Variants in STIM1 observed in about 807,000 individuals in gnomAD.
The protein encoded by STIM1 is stromal interaction molecule 1.
STIM1 carries 25 observed loss-of-function variants against 74.7 expected under a neutral mutation model. That is an observed-to-expected ratio of 0.33 (90% confidence interval 0.24 to 0.47). STIM1 has a LOEUF of 0.47. STIM1 is among the 20% of genes least tolerant of loss of function. The pLI, the probability that STIM1 is intolerant of heterozygous loss-of-function variation, is 1.00. For synonymous variants in STIM1, 328 were observed against 348.8 expected (o/e 0.94, Z 0.66); for missense variants, 728 against 920.8 (o/e 0.79, Z 2.71).
intron 2 of STIM1, among the ~76,000 whole-genome samples, chr11:3,978,804 T>C (rs2093474472): frequency 6.6e-6 from 1 of 152,010 alleles, no homozygotes. Flanking sequence ...AGACTTGTTT[T>C]CTATGTTTTT....
At chr11:3,958,058 G>T (rs1016651741) in intron 1 of STIM1, among the ~76,000 whole-genome samples, 2 of 151,970 alleles carry the variant, frequency 1.3e-5, no homozygotes, top group South Asian at 2.1e-4. Flanking sequence ...TAGAGACAGG[G>T]TGTCACCATG....
intron 1 of STIM1, among the ~76,000 whole-genome samples, chr11:3,874,729 C>G (rs1258547712): frequency 6.6e-6 from 1 of 152,228 alleles, no homozygotes; most frequent in Non-Finnish European, 1.5e-5. Context: ...GAATCTACCT[C>G]CCTCATCTGA....
At chr11:3,971,356 C>T (rs2093392181) in intron 2 of STIM1, among the ~76,000 whole-genome samples, 1 of 151,998 alleles carries the variant, frequency 6.6e-6, no homozygotes, top group South Asian at 2.1e-4. Flanking sequence ...GGTGAAACCC[C>T]GTCTCTACTA....
At chr11:4,057,524 G>A (rs528314472) in intron 4 of STIM1, among the ~76,000 whole-genome samples, 3 of 152,228 alleles carry the variant, frequency 2.0e-5, no homozygotes, top group South Asian at 2.1e-4. Context: ...CCACTTACTT[G>A]TGTGTGACTT....
At chr11:3,907,831 G>C (rs1440010432) in intron 1 of STIM1, among the ~76,000 whole-genome samples, 3 of 152,144 alleles carry the variant, frequency 2.0e-5, no homozygotes, top group Non-Finnish European at 4.4e-5. Context: ...GAACAATAGA[G>C]ACAGACATAC....
At chr11:3,975,960 A>T (rs2093443958) in intron 2 of STIM1, among the ~76,000 whole-genome samples, 1 of 152,256 alleles carries the variant, frequency 6.6e-6, no homozygotes, top group South Asian at 2.1e-4. Flanking sequence ...TATATGTCCC[A>T]GCAATTCTTC....
chr11:4,087,501 C>G (rs1459952352), intron 12 of STIM1, among the ~76,000 whole-genome samples: 2 of 151,974 alleles, frequency 1.3e-5, no homozygotes, highest in Non-Finnish European at 2.9e-5. Context: ...GGTTAGAACA[C>G]TGGATATGTG....
chr11:4,009,378 C>T (rs914347348), intron 2 of STIM1, among the ~76,000 whole-genome samples: 6 of 151,772 alleles, frequency 4.0e-5, no homozygotes, highest in African/African-American at 1.5e-4. Context: ...TTTGGGAGGC[C>T]GAGGCAGGCA....
At chr11:3,917,435 GTTTT>G in intron 1 of STIM1, among the ~76,000 whole-genome samples, 1 of 133,318 alleles carries the variant, frequency 7.5e-6, no homozygotes, top group Admixed American at 7.5e-5. Flanking sequence ...CAGGGTTTCT[GTTTT>G]TTTTTTTTTT....
intron 3 of STIM1, among the ~76,000 whole-genome samples, chr11:4,052,162 G>A (rs535048030): frequency 1.2e-4 from 18 of 152,218 alleles, no homozygotes; most frequent in Admixed American, 4.6e-4. Flanking sequence ...AATCAATATC[G>A]TGAAAATGGC....
chr11:3,885,188 T>A (rs572338637), intron 1 of STIM1, among the ~76,000 whole-genome samples: 63 of 152,214 alleles, frequency 4.1e-4, no homozygotes, highest in African/African-American at 1.4e-3. Context: ...AGATAATTTT[T>A]TTTTTTTTGA....
At chr11:3,873,270 T>A (rs967062467) in intron 1 of STIM1, among the ~76,000 whole-genome samples, 1 of 151,810 alleles carries the variant, frequency 6.6e-6, no homozygotes, top group South Asian at 2.1e-4. Context: ...ACAAAAAAAT[T>A]AGCTGAGCGT....
intron 1 of STIM1, among the ~76,000 whole-genome samples, chr11:3,912,656 G>A (rs889655331): frequency 3.1e-4 from 47 of 152,238 alleles, no homozygotes; most frequent in South Asian, 1.5e-3. Context: ...GTGAGCCACC[G>A]TGTGCAGCCA....
chr11:4,017,555 A>C lies in STIM1; in HGVS notation c.271-6318A>C, dbSNP rs146511590. On this transcript the variant is annotated intron_variant, in intron 2 of 12. Coordinates refer to ENST00000526596, the MANE Select transcript of STIM1 (RefSeq NM_001382567.1). ...ATAAGCAGCTGGTATCTCATGTCAG[A>C]TGGTTTCCTGGAGTTATCTGATAAT... 2.1e-3 allele frequency among the ~76,000 whole-genome samples: 319 copies of C among 152,226 alleles called. 4 individuals are homozygous for C. Among genetic ancestry groups the C allele is most frequent in the African/African-American group, 7.3e-3 (302 of 41,538 alleles).
chr11:4,064,376 A>G (rs1271371144), intron 5 of STIM1, among the ~76,000 whole-genome samples: 2 of 152,082 alleles, frequency 1.3e-5, no homozygotes, highest in South Asian at 2.1e-4. Context: ...TTTCAGTTCT[A>G]TTCTTTAATA....
intron 1 of STIM1, among the ~76,000 whole-genome samples, chr11:3,941,583 A>ATG (rs1207631262): frequency 1.4e-4 from 16 of 115,894 alleles, no homozygotes; most frequent in Admixed American, 3.9e-4. Flanking sequence ...AGAAGCATAT[A>ATG]TATGTGTGTG....
rs566947841 is a variant in STIM1, at chr11:3,856,889, G to A, written c.139+480G>A. Among the ~76,000 whole-genome samples the A allele has an allele frequency of 7.3e-4, 111 of 152,254 alleles. No individual in the cohort carries two copies. In the South Asian group the frequency reaches 9.3e-3, roughly 13 times the overall value. On this transcript the variant is annotated intron_variant, in intron 1 of 12. Transcript: ENST00000526596. ...GGTGTGCCTATTCCAACAACCGTGG[G>A]AACCCTAGTCCCACCCTTCCCTTAG...
intron 12 of STIM1, chr11:4,089,019 C>T (rs2094508668): frequency 5.7e-6 from 2 of 351,224 alleles, no homozygotes; most frequent in Admixed American, 7.4e-5. Context: ...ACTGCTTAAG[C>T]CCAGGAGTTT....
chr11:3,949,713 T>G (rs772516623), intron 1 of STIM1, among the ~76,000 whole-genome samples: 1 of 152,210 alleles, frequency 6.6e-6, no homozygotes, highest in South Asian at 2.1e-4. Context: ...TAGATTTACA[T>G]GGAGTCCTAA....
Sources: allele counts gnomAD v4.1 joint callset (sites outside exome capture counted in the v4.1 genomes callset), GRCh38; gene constraint gnomAD v4.1.1; transcripts MANE v1.5; gene names NCBI Gene and HGNC (gene_info 2026-07-23, HGNC 2026-07-21).